Variants in SERPINI1 observed in about 807,000 individuals in gnomAD.
The protein encoded by SERPINI1 is serpin family I member 1.
SERPINI1 carries 19 observed loss-of-function variants against 41.1 expected under a neutral mutation model. The ratio of observed to expected loss-of-function variants is 0.46; its 90% CI spans 0.32 to 0.68. The LOEUF is 0.68. Among genes scored for constraint, SERPINI1 ranks in the 30% least tolerant of loss-of-function variants. The pLI, the probability that SERPINI1 is intolerant of heterozygous loss-of-function variation, is 0.03. For missense variants in SERPINI1, 460 were observed against 479.2 expected, an observed-to-expected ratio of 0.96 and a Z score of 0.37; for synonymous variants, 138 against 156.6, an observed-to-expected ratio of 0.88 and a Z score of 0.89.
In SERPINI1 at chr3:167,790,459, T is replaced by A. The variant is rs772841797; in HGVS notation, c.338T>A (p.Phe113Tyr). ...GTGATGAAAATTGCCAATTCCTTGT[T>A]TGTGCAAAATGGATTTCATGTCAAT... ...QYVMKIANSLFVQNGFHVNEE... is the reference protein window; with the variant it reads ...QYVMKIANSLYVQNGFHVNEE... Residue 113 changes from phenylalanine (F) to tyrosine (Y), a missense_variant, in exon 3 of 9, where the codon TTT (phenylalanine) becomes TAT (tyrosine). Coordinates refer to ENST00000446050, the MANE Select transcript of SERPINI1 (RefSeq NM_001122752.2). The A allele has an allele frequency of 2.5e-6, 4 of 1,614,056 alleles. No homozygotes were observed. The highest frequency in any genetic ancestry group is 3.4e-6 in the Non-Finnish European group (4 of 1,179,936).
intron 1 of SERPINI1, among the ~76,000 whole-genome samples, chr3:167,769,849 C>A (rs1027789880): frequency 1.3e-5 from 2 of 151,718 alleles, no homozygotes; most frequent in Non-Finnish European, 2.9e-5. Flanking sequence ...ATATCCTTTG[C>A]CTGTTTTTCT....
At chr3:167,740,922 A>C (rs1460270057) in intron 1 of SERPINI1, among the ~76,000 whole-genome samples, 1 of 152,230 alleles carries the variant, frequency 6.6e-6, no homozygotes, top group African/African-American at 2.4e-5. Flanking sequence ...AAATAGATGA[A>C]TGTAATATGA....
intron 6 of SERPINI1, among the ~76,000 whole-genome samples, chr3:167,819,630 C>T (rs1286404426): frequency 6.6e-6 from 1 of 152,152 alleles, no homozygotes; most frequent in African/African-American, 2.4e-5. Context: ...TGTCTTGGGG[C>T]TTATTCAAAG....
At chr3:167,771,396 TAAA>T (rs1189506931) in intron 1 of SERPINI1, among the ~76,000 whole-genome samples, 1 of 152,176 alleles carries the variant, frequency 6.6e-6, no homozygotes, top group Non-Finnish European at 1.5e-5. Context: ...TAAATGAAAG[TAAA>T]AATGTAAACC....
At chr3:167,801,698 A>G (rs1727903989) in intron 5 of SERPINI1, among the ~76,000 whole-genome samples, 1 of 152,142 alleles carries the variant, frequency 6.6e-6, no homozygotes, top group Non-Finnish European at 1.5e-5. Context: ...TGCCTGAAAC[A>G]TAGTAAGCAC....
intron 4 of SERPINI1, among the ~76,000 whole-genome samples, chr3:167,793,804 G>GTATATA (rs372689407): frequency 0.07 from 10,185 of 146,030 alleles, 426 homozygotes; most frequent in African/African-American, 0.091. Context: ...TATATACTGT[G>GTATATA]TGTATATATA....
chr3:167,761,992 T>A (rs1247202701), intron 1 of SERPINI1, among the ~76,000 whole-genome samples: 1 of 152,162 alleles, frequency 6.6e-6, no homozygotes, highest in Non-Finnish European at 1.5e-5. Flanking sequence ...TATGGTACTT[T>A]CCCTATAAGT....
chr3:167,770,815 C>T (rs2108545385), intron 1 of SERPINI1, among the ~76,000 whole-genome samples: 1 of 152,296 alleles, frequency 6.6e-6, no homozygotes, highest in East Asian at 1.9e-4. Flanking sequence ...ATCTGTTTCC[C>T]TGTTTCTCCA....
chr3:167,811,221 T>G (rs1238994880), intron 6 of SERPINI1, among the ~76,000 whole-genome samples: 2 of 151,166 alleles, frequency 1.3e-5, no homozygotes, highest in East Asian at 3.9e-4. Flanking sequence ...CAGAAGATTT[T>G]TTCTTTGCCC....
Position 167,749,547 on chromosome 3 carries a change from T to C in SERPINI1, c.-19+13724T>C, listed in dbSNP as rs960999380. Among the ~76,000 whole-genome samples the C allele has an allele frequency of 2.5e-4, 38 of 152,182 alleles. 1 individual carries two copies. The highest frequency in any genetic ancestry group is 1.8e-3 in the Admixed American group (27 of 15,276). On this transcript the variant is annotated intron_variant, in intron 1 of 8. Coordinates refer to ENST00000446050, the MANE Select transcript of SERPINI1 (RefSeq NM_001122752.2). ...AAATCTAATAGTGCACCAACTGATA[T>C]TTTAAGTAGTGTTCTCTTTTCTTCT...
At chr3:167,808,134 T>TAATTAATAAATAAATAAATA (rs141257341) in intron 6 of SERPINI1, among the ~76,000 whole-genome samples, 1 of 146,848 alleles carries the variant, frequency 6.8e-6, no homozygotes, top group Non-Finnish European at 1.5e-5. Context: ...ATAGTAATGA[T>TAATTAATAAATAAATAAATA]AATAAATAAA....
At chr3:167,770,969 A>G (rs915830884) in intron 1 of SERPINI1, among the ~76,000 whole-genome samples, 1 of 152,206 alleles carries the variant, frequency 6.6e-6, no homozygotes, top group African/African-American at 2.4e-5. Flanking sequence ...TAAGAATACT[A>G]CTTAAAAGAT....
chr3:167,740,604 C>A (rs1055441233), intron 1 of SERPINI1, among the ~76,000 whole-genome samples: 1 of 152,160 alleles, frequency 6.6e-6, no homozygotes, highest in Admixed American at 6.5e-5. Flanking sequence ...AAATTCAGCC[C>A]TCTGCCAACA....
intron 1 of SERPINI1, among the ~76,000 whole-genome samples, chr3:167,748,548 A>AT (rs1278388453): frequency 2.0e-5 from 3 of 152,224 alleles, no homozygotes; most frequent in Non-Finnish European, 4.4e-5. Context: ...GAAAAAGTAA[A>AT]TAGTCATGCA....
chr3:167,763,844 T>C (rs1358356055), intron 1 of SERPINI1, among the ~76,000 whole-genome samples: 1 of 152,158 alleles, frequency 6.6e-6, no homozygotes, highest in Non-Finnish European at 1.5e-5. Context: ...GTTTGAGAAA[T>C]AGTTGTATTG....
In SERPINI1 at chr3:167,823,048, G is replaced by C; in HGVS notation, c.1042G>C (p.Gly348Arg). The C allele has an allele frequency of 3.1e-6, 5 of 1,609,252 alleles. No individual in the cohort carries two copies. Among genetic ancestry groups the C allele is most frequent in the Non-Finnish European group, 4.3e-6 (5 of 1,175,690 alleles). The change falls in exon 7 of 9, where the codon GGC (glycine) becomes CGC (arginine). Residue 348 changes from glycine to arginine, a missense_variant. By Grantham distance (125) the Gly-to-Arg change is moderately radical. Coordinates refer to ENST00000446050, the MANE Select transcript of SERPINI1 (RefSeq NM_001122752.2). ...HKSFLEVNEE[G>R]SEAAAVSGMI... is the part of the protein sequence containing the mutation. Reference sequence around the variant, plus strand: ...GTCCTTCCTAGAGGTTAATGAAGAAGGCTCAGAAGCTGCTGCTGTCTCAGG... The same window carrying C: ...GTCCTTCCTAGAGGTTAATGAAGAACGCTCAGAAGCTGCTGCTGTCTCAGG...
chr3:167,791,517 T>C (rs1339794771), intron 3 of SERPINI1, among the ~76,000 whole-genome samples: 1 of 152,188 alleles, frequency 6.6e-6, no homozygotes, highest in Non-Finnish European at 1.5e-5. Context: ...TAAAAGAAAC[T>C]TAAATGTAGT....
chr3:167,812,616 A>G (rs1711931562), intron 6 of SERPINI1, among the ~76,000 whole-genome samples: 2 of 152,244 alleles, frequency 1.3e-5, no homozygotes, highest in South Asian at 4.1e-4. Context: ...CCAGAATTTA[A>G]ACCCTCCAAG....
intron 6 of SERPINI1, among the ~76,000 whole-genome samples, chr3:167,815,379 CTTTTTT>C (rs149219832): frequency 6.7e-6 from 1 of 150,108 alleles, no homozygotes; most frequent in Non-Finnish European, 1.5e-5. Flanking sequence ...ATTTCTTTTT[CTTTTTT>C]TTTCTTTTTT....
Sources: allele counts gnomAD v4.1 joint callset (sites outside exome capture counted in the v4.1 genomes callset), GRCh38; gene constraint gnomAD v4.1.1; transcripts MANE v1.5; gene names NCBI Gene and HGNC (gene_info 2026-07-23, HGNC 2026-07-21).